Variants in RIC8A observed in about 807,000 individuals in gnomAD.
RIC8A encodes RIC8 guanine nucleotide exchange factor A.
A neutral mutation model predicts 48.4 loss-of-function variants in RIC8A; 37 were observed. That is an observed-to-expected ratio of 0.77 (90% CI 0.59 to 1.01). The LOEUF (loss-of-function observed/expected upper bound fraction) is 1.01. Among genes scored for constraint, RIC8A ranks in the 50% least tolerant of loss-of-function variants. RIC8A has a pLI of 0.00. For synonymous variants in RIC8A, 288 were observed against 283.4 expected (o/e 1.02, Z -0.16); for missense variants, 681 against 696.8 (o/e 0.98, Z 0.25).
rs1855270255 is a variant in RIC8A, at chr11:208,998, G to GGGT, written c.84+61_84+63dup. On this transcript the variant is annotated intron_variant, in intron 1 of 9. Coordinates refer to ENST00000526104, the MANE Select transcript of RIC8A (RefSeq NM_001286134.2). This position sits in a 1 kb window ranked among gnomAD's most constrained non-coding sequence, Gnocchi z 4.8. ...GAGGGGGTGGGGCAGGGTCGTGCGC[G>GGGT]GGTAGCAGGGAGGGCGTGGGTGAGG... is the stretch of plus-strand genomic sequence containing the variant. 21 of 1,359,406 alleles carry GGGT rather than the reference G, an allele frequency of 1.5e-5. No individual in the cohort carries two copies. In the South Asian group the frequency reaches 2.6e-4, roughly 17 times the overall value. The allele number at this position is 1,359,406 out of a possible 1,614,324, so 84.2% of individuals were successfully genotyped here.
intron 1 of RIC8A, 76 bp downstream of exon 1, chr11:209,014 G>A (rs1416517763): frequency 1.5e-6 from 2 of 1,310,258 alleles, no homozygotes; most frequent in East Asian, 2.5e-5. Flanking sequence ...CAGGGAGGGC[G>A]TGGGTGAGGC....
At chr11:210,066 C>T (rs1489930871) in intron 3 of RIC8A, 66 bp downstream of exon 3, 5 of 1,352,770 alleles carry the variant, frequency 3.7e-6, no homozygotes, top group Non-Finnish European at 5.0e-6. Context: ...GACCTGCTTC[C>T]TACTGGGTAC....
At position 209,396 on chromosome 11, in the gene RIC8A, C is replaced by T. The variant is rs1855286716; in HGVS notation, c.133-11C>T. 1 of 1,600,564 alleles carries T rather than the reference C, an allele frequency of 6.2e-7. No homozygotes were observed. Among genetic ancestry groups the T allele is most frequent in the South Asian group, 1.1e-5 (1 of 89,922 alleles). On this transcript the variant is annotated splice_polypyrimidine_tract_variant and intron_variant, in intron 2 of 9. Transcript: ENST00000526104. Reference sequence around the variant, plus strand: ...AGGGCCTGGTGGAGCCGCTCTTCTCCCTGCCCACAGAGACTGGCGGAGCTG... The same window carrying T: ...AGGGCCTGGTGGAGCCGCTCTTCTCTCTGCCCACAGAGACTGGCGGAGCTG...
At chr11:212,328 G>A in intron 5 of RIC8A, 88 bp from the exon 6 acceptor site, 1 of 1,295,082 alleles carries the variant, frequency 7.7e-7, no homozygotes, top group Non-Finnish European at 1.1e-6. Flanking sequence ...TGTGTATGTT[G>A]GTGGGAAGGG....
In RIC8A at chr11:212,489, C is replaced by CCAGGA; in HGVS notation, c.1044_1048dup (p.Lys350ThrfsTer5). On this transcript the variant is annotated frameshift_variant, in exon 6 of 10. Transcript: ENST00000526104. LOFTEE classifies it high-confidence loss of function. Reference sequence around the variant, plus strand: ...GAATGTGCCCGGATGCACCGCCCAGCCAGGAAGTTCCTGAAGGCCCAGGTA... The same window carrying CCAGGA: ...GAATGTGCCCGGATGCACCGCCCAGCCAGGACAGGAAGTTCCTGAAGGCCCAGGTA... 1 of 1,613,870 alleles carries CCAGGA rather than the reference C, an allele frequency of 6.2e-7. No individual in the cohort carries two copies. The highest frequency in any genetic ancestry group is 8.5e-7 in the Non-Finnish European group (1 of 1,179,902).
rs1270871894 is a variant in RIC8A, at chr11:209,810, G to A, written c.536G>A (p.Arg179His). Reference sequence around the variant, plus strand: ...CTAACGGCACTCCGCACCGATGTGCGCCAGCAGCTGTTTCAGGAGCTGAAA... The same window carrying A: ...CTAACGGCACTCCGCACCGATGTGCACCAGCAGCTGTTTCAGGAGCTGAAA... The part of the protein sequence containing the change: ...FLLTALRTDV[R>H]QQLFQELKGV... Residue 179 changes from arginine to histidine, a missense_variant, in exon 3 of 10, where the codon CGC (arginine) becomes CAC (histidine). Arg to His is a conservative substitution (Grantham distance 29). Coordinates refer to ENST00000526104, the MANE Select transcript of RIC8A (RefSeq NM_001286134.2). 2 of 1,613,980 alleles carry A rather than the reference G, an allele frequency of 1.2e-6. No individual in the cohort carries two copies. Among genetic ancestry groups the A allele is most frequent in the Non-Finnish European group, 1.7e-6 (2 of 1,180,042 alleles).
rs1855245632 is a variant in RIC8A, at chr11:208,534, G to A, written c.-321G>A. 1 of 284,478 alleles carries A rather than the reference G, an allele frequency of 3.5e-6. No homozygotes were observed. The highest frequency in any genetic ancestry group is 6.5e-6 in the Non-Finnish European group (1 of 154,526). 17.6% of individuals were successfully genotyped at this position (284,478 alleles called of 1,614,324 possible). A position where few individuals can be genotyped will look rare whatever the true frequency, so the allele number is the denominator to read the frequency against. On this transcript the variant is annotated 5_prime_UTR_variant, in exon 1 of 10. Transcript: ENST00000526104. This position sits in a 1 kb window ranked among gnomAD's most constrained non-coding sequence, Gnocchi z 4.8. ...AGGGGCGTCACTGTGTGTGTGGCAG[G>A]GCACGGTGGGGGCTGAGATCGTTTC...
rs1167656460 is a variant in RIC8A at position 209,261 on chromosome 11, C to A, written c.85-10C>A. ...CTCTGTGGATTTGAATTCACTAGTT[C>A]TCTCTGCAGCACTCCCAGAGCTTCA... is the stretch of plus-strand genomic sequence containing the variant. On this transcript the variant is annotated splice_polypyrimidine_tract_variant and intron_variant, in intron 1 of 9. Coordinates refer to ENST00000526104, the MANE Select transcript of RIC8A (RefSeq NM_001286134.2). The A allele has an allele frequency of 1.2e-6, 2 of 1,614,136 alleles. No homozygotes were observed. The highest frequency in any genetic ancestry group is 1.7e-6 in the Non-Finnish European group (2 of 1,180,012).
intron 4 of RIC8A, 143 bp downstream of exon 4, chr11:210,805 C>T (rs1855338558): frequency 1.3e-5 from 10 of 753,122 alleles, no homozygotes; most frequent in Admixed American, 2.3e-5. Flanking sequence ...TGAGACTGGA[C>T]ATAGCCATGA....
At position 210,502 on chromosome 11, in the gene RIC8A, A is replaced by G. The variant is rs143109058; in HGVS notation, c.727-69A>G. On this transcript the variant is annotated intron_variant, in intron 3 of 9. Coordinates refer to ENST00000526104, the MANE Select transcript of RIC8A (RefSeq NM_001286134.2). Reference sequence around the variant, plus strand: ...CACACAGTCCTGGAGTGCAACAGACAGTGGAGCCTCAGCAGGCAGCAGTGG... The same window carrying G: ...CACACAGTCCTGGAGTGCAACAGACGGTGGAGCCTCAGCAGGCAGCAGTGG... The G allele has an allele frequency of 5.8e-6, 8 of 1,371,462 alleles. No individual in the cohort carries two copies. The East Asian group carries it at 9.2e-5, about 16-fold the overall frequency. The allele number at this position is 1,371,462 out of a possible 1,614,324, so 85.0% of individuals were successfully genotyped here. A position where few individuals can be genotyped will look rare whatever the true frequency, so the allele number is the denominator to read the frequency against.
At chr11:209,369 G>A in intron 2 of RIC8A, 38 bp from the exon 3 acceptor site, 1 of 1,601,634 alleles carries the variant, frequency 6.2e-7, no homozygotes, top group African/African-American at 1.3e-5. Flanking sequence ...GCCCCAGGAA[G>A]AAGGGCCTGG....
Position 210,611 on chromosome 11 carries a change from G to A in RIC8A, c.767G>A (p.Arg256Gln), listed in dbSNP as rs368432680. The A allele has an allele frequency of 5.4e-5, 87 of 1,613,978 alleles. No homozygotes were observed. Among genetic ancestry groups the A allele is most frequent in the Non-Finnish European group, 6.6e-5 (78 of 1,180,028 alleles). The change falls in exon 4 of 10, where the codon CGG (arginine) becomes CAG (glutamine). Residue 256 changes from arginine to glutamine, a missense_variant. By Grantham distance (43) the Arg-to-Gln change is conservative. Transcript: ENST00000526104. ...TACCGACACCTGGGGACCCTTCTCC[G>A]GCACTGTGTGATGATCGCTACTGCT... ...ALYRHLGTLL[R>Q]HCVMIATAGD...
In RIC8A at chr11:207,885, T is replaced by G. The variant is rs1855223362; in HGVS notation, c.-970T>G. 6.5e-6 allele frequency: 1 copy of G among 152,842 alleles called. No individual in the cohort carries two copies. The highest frequency in any genetic ancestry group is 1.9e-4 in the South Asian group (1 of 5,300). The allele number at this position is 152,842 out of a possible 1,614,324, so 9.5% of individuals were successfully genotyped here. A position where few individuals can be genotyped will look rare whatever the true frequency, so the allele number is the denominator to read the frequency against. ...CCTCTGTCAAGTGGAGATCGGCGCCTCGCTCGTGCCTGCGAGTGCGCGCCG... is the reference window on the plus strand; with the variant it reads ...CCTCTGTCAAGTGGAGATCGGCGCCGCGCTCGTGCCTGCGAGTGCGCGCCG... On this transcript the variant is annotated 5_prime_UTR_variant, in exon 1 of 10. Coordinates refer to ENST00000526104, the MANE Select transcript of RIC8A (RefSeq NM_001286134.2).
At chr11:213,183 G>C in intron 8 of RIC8A, 116 bp from the exon 9 acceptor site, 5 of 1,483,230 alleles carry the variant, frequency 3.4e-6, no homozygotes, top group Non-Finnish European at 4.6e-6. Context: ...CTTCTGGAGG[G>C]AGGCCTCTTC....
chr11:210,678 T>C lies in RIC8A; in HGVS notation c.818+16T>C. 1 of 1,612,164 alleles carries C rather than the reference T, an allele frequency of 6.2e-7. No homozygotes were observed. The highest frequency in any genetic ancestry group is 8.5e-7 in the Non-Finnish European group (1 of 1,178,278). ...AGTTCCACGGGTGAGAATGGGGCTT[T>C]TTCTGGGAGGGAAGTGTGCCCACAT... is the stretch of plus-strand genomic sequence containing the variant. On this transcript the variant is annotated intron_variant, in intron 4 of 9. Coordinates refer to ENST00000526104, the MANE Select transcript of RIC8A (RefSeq NM_001286134.2).
chr11:210,436 A>C (rs764235579), intron 3 of RIC8A, 135 bp from the exon 4 acceptor site: 1 of 878,340 alleles, frequency 1.1e-6, no homozygotes, highest in South Asian at 1.3e-5. Flanking sequence ...GGAAGACCCC[A>C]GGGGACCAGG....
intron 5 of RIC8A, 181 bp from the exon 6 acceptor site, chr11:212,235 G>C: frequency 1.6e-6 from 1 of 614,888 alleles, no homozygotes; most frequent in South Asian, 1.9e-5. Flanking sequence ...AAGTGACACA[G>C]ACACCCACCA....
rs1855354534 is a variant in RIC8A at position 211,427 on chromosome 11, C to T, written c.969+78C>T. The T allele has an allele frequency of 2.2e-6, 3 of 1,354,618 alleles. No homozygotes were observed. The Admixed American group carries it at 6.3e-5, about 28-fold the overall frequency. 83.9% of individuals were successfully genotyped at this position (1,354,618 alleles called of 1,614,324 possible). On this transcript the variant is annotated intron_variant, in intron 5 of 9. Coordinates refer to ENST00000526104, the MANE Select transcript of RIC8A (RefSeq NM_001286134.2). This position sits in a 1 kb window ranked among gnomAD's most constrained non-coding sequence, Gnocchi z 4.0. ...CCTGCACAGATGTGGTCAGTGCTTC[C>T]ACACTGTCCACACTGGTACGTGGAG...
chr11:213,388 A>C lies in RIC8A; in HGVS notation c.1445A>C (p.Lys482Thr). The change falls in exon 9 of 10, where the codon AAG becomes ACG. Residue 482 changes from lysine to threonine, a missense_variant. Lys to Thr is a moderately conservative substitution (Grantham distance 78). Transcript: ENST00000526104. Reference sequence around the variant, plus strand: ...GAGCAGAAGGAGCACGAGGCCATGAAGCTGGTGACCATGTTTGACAAGCTC... The same window carrying C: ...GAGCAGAAGGAGCACGAGGCCATGACGCTGGTGACCATGTTTGACAAGCTC... ...TEEQKEHEAM[K>T]LVTMFDKLSR... 3 of 1,603,496 alleles carry C rather than the reference A, an allele frequency of 1.9e-6. No homozygotes were observed. The highest frequency in any genetic ancestry group is 2.6e-6 in the Non-Finnish European group (3 of 1,174,748).
Sources: allele counts gnomAD v4.1 joint callset, GRCh38; gene constraint gnomAD v4.1.1; non-coding constraint Gnocchi (gnomAD v3.1); transcripts MANE v1.5; gene names NCBI Gene and HGNC (gene_info 2026-07-23, HGNC 2026-07-21).